Variants in TMC7 observed in about 807,000 individuals in gnomAD.
TMC7 encodes transmembrane channel-like protein 7.
In TMC7, 54 loss-of-function variants were observed where a neutral mutation model predicts 82.9. That is an observed-to-expected ratio of 0.65 (90% confidence interval 0.52 to 0.82). The LOEUF is 0.82. TMC7 is among the 40% of genes least tolerant of loss of function. The pLI is 0.00. For missense variants in TMC7, 820 were observed against 901.2 expected, an observed-to-expected ratio of 0.91 and a Z score of 1.15; for synonymous variants, 350 against 337.9, an observed-to-expected ratio of 1.04 and a Z score of -0.39.
chr16:19,046,985 A>G (rs1412568472), intron 11 of TMC7, 78 bp from the exon 12 acceptor site: 7 of 1,269,870 alleles, frequency 5.5e-6, no homozygotes, highest in Non-Finnish European at 6.6e-6. Context: ...TATGCATGGA[A>G]ATAGTCCTGA....
At chr16:19,007,565 C>T (rs2142165727) in intron 1 of TMC7, among the ~76,000 whole-genome samples, 1 of 152,260 alleles carries the variant, frequency 6.6e-6, no homozygotes, top group Middle Eastern at 3.4e-3. Context: ...CCAGGGGTCT[C>T]ACCCCTTCCC....
chr16:18,997,190 G>GCATCA (rs2039058245), intron 1 of TMC7, among the ~76,000 whole-genome samples: 2 of 152,336 alleles, frequency 1.3e-5, no homozygotes, highest in African/African-American at 4.8e-5. Context: ...CTGGGTTTTG[G>GCATCA]CATCAAATGT....
chr16:18,987,598 G>A (rs533117632), intron 1 of TMC7, among the ~76,000 whole-genome samples: 10 of 152,174 alleles, frequency 6.6e-5, no homozygotes, highest in South Asian at 4.2e-4. Flanking sequence ...GAGCCACCAC[G>A]CCAGGCTGGT....
chr16:18,986,247 T>C lies in TMC7; in HGVS notation c.67+2117T>C, dbSNP rs574773922. ...TGTCTCTACTAAAAACACAAAAAAT[T>C]AGCCAGGTGTGGTGGCATGCACCTG... On this transcript the variant is annotated intron_variant, in intron 1 of 15. Coordinates refer to ENST00000304381, the MANE Select transcript of TMC7 (RefSeq NM_024847.4). Among the ~76,000 whole-genome samples the C allele has an allele frequency of 2.8e-3, 424 of 151,300 alleles. 4 individuals are homozygous for C. The highest frequency in any genetic ancestry group is 9.9e-3 in the African/African-American group (409 of 41,232).
intron 11 of TMC7, 97 bp from the exon 12 acceptor site, chr16:19,046,966 C>T (rs1961301196): frequency 1.9e-6 from 2 of 1,025,774 alleles, no homozygotes; most frequent in Non-Finnish European, 1.4e-6. Context: ...AACCAGTGTC[C>T]ATGAGAAATA....
intron 4 of TMC7, among the ~76,000 whole-genome samples, chr16:19,022,574 A>G (rs987204185): frequency 2.0e-5 from 3 of 152,212 alleles, no homozygotes; most frequent in Non-Finnish European, 4.4e-5. Context: ...AGGCCATACC[A>G]TACAGCCTAG....
At chr16:19,010,859 C>T (rs1042762397) in intron 2 of TMC7, among the ~76,000 whole-genome samples, 20 of 152,036 alleles carry the variant, frequency 1.3e-4, no homozygotes, top group Admixed American at 5.2e-4. Context: ...CAGGATAGCT[C>T]GGGTTTGTTT....
intron 10 of TMC7, 61 bp from the exon 11 acceptor site, chr16:19,045,280 A>T: frequency 7.4e-7 from 1 of 1,359,744 alleles, no homozygotes; most frequent in Non-Finnish European, 1.1e-6. Flanking sequence ...GTGTCTTGGG[A>T]GCCTGGTTTT....
chr16:18,995,420 A>G (rs531956412), intron 1 of TMC7, among the ~76,000 whole-genome samples: 2 of 152,334 alleles, frequency 1.3e-5, no homozygotes, highest in East Asian at 1.9e-4. Context: ...AGATCTGGGA[A>G]GGAATCAGTC....
At chr16:19,021,463 C>T (rs1484255309) in intron 3 of TMC7, among the ~76,000 whole-genome samples, 166 bp from the exon 4 acceptor site, 5 of 152,110 alleles carry the variant, frequency 3.3e-5, no homozygotes, top group African/African-American at 1.2e-4. Context: ...AAAGTGAAAA[C>T]ACTAGAAGAT....
intron 5 of TMC7, among the ~76,000 whole-genome samples, chr16:19,028,106 A>T (rs1960320137): frequency 6.6e-6 from 1 of 152,092 alleles, no homozygotes. Context: ...TCCTTCCTTT[A>T]TAAACAATGC....
rs752282682 is a variant in TMC7, at chr16:19,035,809, C to A, written c.991C>A (p.Arg331=). The A allele has an allele frequency of 2.5e-6, 4 of 1,593,084 alleles. No individual in the cohort carries two copies. In the East Asian group the frequency reaches 6.7e-5, roughly 27 times the overall value. Residue 331 remains arginine (R), a synonymous_variant, in exon 7 of 16, where the codon CGG becomes AGG. Coordinates refer to ENST00000304381, the MANE Select transcript of TMC7 (RefSeq NM_024847.4). ...SMADLKHSSL[R]YELRADLEEE... ...GGCGGATCTGAAGCACAGCAGCTTGCGGTACGAGCTCCGAGTGAGTGCTCC... is the reference window on the plus strand; with the variant it reads ...GGCGGATCTGAAGCACAGCAGCTTGAGGTACGAGCTCCGAGTGAGTGCTCC...
intron 5 of TMC7, among the ~76,000 whole-genome samples, chr16:19,027,721 A>G (rs1298063848): frequency 6.6e-6 from 1 of 152,102 alleles, no homozygotes; most frequent in East Asian, 1.9e-4. Context: ...TTCTGCTTCT[A>G]CTTTTTCTTT....
intron 12 of TMC7, among the ~76,000 whole-genome samples, chr16:19,048,719 C>T (rs1961398144): frequency 6.6e-6 from 1 of 152,176 alleles, no homozygotes; most frequent in Non-Finnish European, 1.5e-5. Context: ...CTGCGCCCAG[C>T]CTCTTTTTTC....
chr16:18,985,141 TC>T (rs2038822376), intron 1 of TMC7, among the ~76,000 whole-genome samples: 1 of 151,838 alleles, frequency 6.6e-6, no homozygotes, highest in South Asian at 2.1e-4. Context: ...GTGCTTGTAA[TC>T]CCAGCTACTT....
chr16:19,021,701 T>C lies in TMC7; in HGVS notation c.533T>C (p.Phe178Ser). ...CTGGTGTTGCTGAATTTGGTGATAT[T>C]TCTGATCATCTTTATGCTGGTTTTG... ...RFLVLLNLVI[F>S]LIIFMLVLLP... The change falls in exon 4 of 16, where the codon TTT (phenylalanine) becomes TCT (serine). Residue 178 changes from phenylalanine (F) to serine (S), a missense_variant. By Grantham distance (155) the Phe-to-Ser change is radical (BLOSUM62 -2). Transcript: ENST00000304381. The C allele has an allele frequency of 1.2e-6, 2 of 1,614,170 alleles. No homozygotes were observed. Among genetic ancestry groups the C allele is most frequent in the Non-Finnish European group, 1.7e-6 (2 of 1,180,030 alleles).
chr16:19,052,519 A>ATGTACTTCACACT (rs1961584887), intron 13 of TMC7, among the ~76,000 whole-genome samples: 1 of 152,140 alleles, frequency 6.6e-6, no homozygotes, highest in Admixed American at 6.6e-5. Flanking sequence ...TCACCTTTAA[A>ATGTACTTCACACT]TTAAAAGCCT....
intron 1 of TMC7, among the ~76,000 whole-genome samples, chr16:18,986,140 A>G (rs1447432288): frequency 6.6e-6 from 1 of 152,102 alleles, no homozygotes; most frequent in Non-Finnish European, 1.5e-5. Flanking sequence ...TCACACCTGT[A>G]ATCCCAGCAC....
In TMC7 at chr16:19,021,705, G is replaced by C; in HGVS notation, c.537G>C (p.Leu179=). Residue 179 remains leucine, a synonymous_variant, in exon 4 of 16, where the codon CTG becomes CTC. Transcript: ENST00000304381. ...TGTTGCTGAATTTGGTGATATTTCTGATCATCTTTATGCTGGTTTTGCTCC... is the reference window on the plus strand; with the variant it reads ...TGTTGCTGAATTTGGTGATATTTCTCATCATCTTTATGCTGGTTTTGCTCC... ...FLVLLNLVIF[L]IIFMLVLLPV... 1 of 1,614,050 alleles carries C rather than the reference G, an allele frequency of 6.2e-7. No individual in the cohort carries two copies. The highest frequency in any genetic ancestry group is 8.5e-7 in the Non-Finnish European group (1 of 1,180,004).
Sources: gnomAD v4.1 joint callset for allele counts (sites outside exome capture counted in the v4.1 genomes callset) on GRCh38, gnomAD v4.1.1 for gene constraint, MANE v1.5 for transcripts, NCBI Gene and HGNC (gene_info 2026-07-23, HGNC 2026-07-21) for gene names.